Variants in PER3 observed in about 807,000 individuals in gnomAD.
PER3 encodes period circadian protein homolog 3.
Under a neutral mutation model 127.2 loss-of-function variants are expected in PER3, and 107 were observed. The observed-to-expected ratio is 0.84, with a 90% confidence interval of 0.72 to 0.99. PER3 has a LOEUF of 0.99. Among genes scored for constraint, PER3 ranks in the 50% least tolerant of loss-of-function variants. The pLI is 0.00. For missense variants in PER3, 1,560 were observed against 1,525.8 expected (o/e 1.02, Z -0.37); for synonymous variants, 618 against 585.8 (o/e 1.05, Z -0.79).
intron 20 of PER3, 55 bp downstream of exon 20, chr1:7,836,000 CT>C (rs984608428): frequency 1.4e-5 from 18 of 1,254,868 alleles, no homozygotes; most frequent in East Asian, 4.7e-5. Context: ...TTCTTTTTTT[CT>C]TTTTTTTCTT....
intron 20 of PER3, among the ~76,000 whole-genome samples, chr1:7,836,650 C>T (rs1305980048): frequency 6.6e-6 from 1 of 152,120 alleles, no homozygotes; most frequent in Non-Finnish European, 1.5e-5. Context: ...CTAAACAGAT[C>T]TTACACATCA....
At chr1:7,799,123 A>T (rs2150635006) in intron 7 of PER3, among the ~76,000 whole-genome samples, 1 of 152,368 alleles carries the variant, frequency 6.6e-6, no homozygotes, top group South Asian at 2.1e-4. Flanking sequence ...ATATATCAAT[A>T]CATAGGCAGC....
intron 13 of PER3, among the ~76,000 whole-genome samples, chr1:7,817,655 G>A (rs1415223183): frequency 6.6e-6 from 1 of 152,162 alleles, no homozygotes; most frequent in East Asian, 1.9e-4. Flanking sequence ...GGATTGGCGC[G>A]AACAGTTTCA....
rs960482077 is a variant in PER3 at position 7,844,444 on chromosome 1, C to G, written c.*1689C>G. 6.6e-6 allele frequency: 1 copy of G among 152,530 alleles called. No homozygotes were observed. Among genetic ancestry groups the G allele is most frequent in the Non-Finnish European group, 1.5e-5 (1 of 68,190 alleles). The allele number at this position is 152,530 out of a possible 1,614,324, so 9.4% of individuals were successfully genotyped here. ...ATCAAATTTGAAACAATTAACCAGC[C>G]AGTAGATTGTCTGTCAGTGACCTTC... On this transcript the variant is annotated 3_prime_UTR_variant, in exon 22 of 22. Transcript: ENST00000377532.
At chr1:7,837,934 G>A (rs554694920) in intron 21 of PER3, among the ~76,000 whole-genome samples, 14 of 152,192 alleles carry the variant, frequency 9.2e-5, no homozygotes, top group East Asian at 1.9e-4. Context: ...GTGTGGTGGC[G>A]TGCACCTATA....
chr1:7,787,121 A>G (rs1489832214), intron 4 of PER3: 1 of 361,002 alleles, frequency 2.8e-6, no homozygotes, highest in East Asian at 6.5e-5. Context: ...AGAGAAAACA[A>G]AAATTACACT....
At chr1:7,828,686 C>G (rs925475487) in intron 18 of PER3, among the ~76,000 whole-genome samples, 2 of 152,168 alleles carry the variant, frequency 1.3e-5, no homozygotes, top group Admixed American at 6.5e-5. Flanking sequence ...AATCCCAGCT[C>G]GGTCACTAGT....
At chr1:7,825,688 T>C (rs928906757) in intron 16 of PER3, among the ~76,000 whole-genome samples, 47 of 152,154 alleles carry the variant, frequency 3.1e-4, no homozygotes, top group African/African-American at 1.1e-3. Flanking sequence ...GGTCAAGAGT[T>C]TGAGACCAGC....
chr1:7,804,575 A>AT lies in PER3; in HGVS notation c.1136+733dup, dbSNP rs1211279635. ...GCCAACACATTCAGCCCTTTCTTGT[A>AT]TTTTTTGTAGAGATGGGGTTTTGCC... On this transcript the variant is annotated intron_variant, in intron 10 of 21. Transcript: ENST00000377532. Among the ~76,000 whole-genome samples, 5 of 150,776 alleles carry AT rather than the reference A, an allele frequency of 3.3e-5. No individual in the cohort carries two copies. In the South Asian group the frequency reaches 8.4e-4, roughly 25 times the overall value.
In PER3 at chr1:7,827,463, C is replaced by G; in HGVS notation, c.2534C>G (p.Pro845Arg). ...LPLSEGLQPY[P>R]AFPFPYLDTF... ...TTGTCCGAGGGCTTGCAGCCTTACC[C>G]AGCTTTCCCTTTTCCTTACTTGGAT... The change falls in exon 18 of 22, where the codon CCA (proline) becomes CGA (arginine). Residue 845 changes from proline (P) to arginine (R), a missense_variant. By Grantham distance (103) the Pro-to-Arg change is moderately radical (BLOSUM62 -2). Transcript: ENST00000377532. 1 of 1,614,248 alleles carries G rather than the reference C, an allele frequency of 6.2e-7. No homozygotes were observed.
intron 10 of PER3, among the ~76,000 whole-genome samples, chr1:7,807,259 T>C (rs1308930005): frequency 6.6e-6 from 1 of 152,162 alleles, no homozygotes; most frequent in Non-Finnish European, 1.5e-5. Context: ...AGACATATGG[T>C]GTACCTGACG....
chr1:7,827,513 G>A lies in PER3; in HGVS notation c.2584G>A (p.Asp862Asn). The A allele has an allele frequency of 6.2e-7, 1 of 1,614,156 alleles. No homozygotes were observed. Among genetic ancestry groups the A allele is most frequent in the Non-Finnish European group, 8.5e-7 (1 of 1,180,028 alleles). ...TACTTTTATGACCGTTTTCCTGCCT[G>A]ACCCCCCTGTCTGTCCTCTGTTGTC... ...LDTFMTVFLP[D>N]PPVCPLLSPS... Residue 862 changes from aspartate to asparagine, a missense_variant, in exon 18 of 22, where the codon GAC (aspartate) becomes AAC (asparagine). This residue lies in a region of PER3 where 1,332 missense variants were observed against 1,223.6 expected (regional missense o/e 1.09). Coordinates refer to ENST00000377532, the MANE Select transcript of PER3 (RefSeq NM_001377275.1).
chr1:7,841,032 A>C lies in PER3; in HGVS notation c.3550-1640A>C, dbSNP rs542949141. Reference sequence around the variant, plus strand: ...TGAATGGCCTATACCAAGGGTGTCCAATCTTTTGGCTTCCCTGGGCCACAT... The same window carrying C: ...TGAATGGCCTATACCAAGGGTGTCCCATCTTTTGGCTTCCCTGGGCCACAT... On this transcript the variant is annotated intron_variant, in intron 21 of 21. Transcript: ENST00000377532. 5.3e-5 allele frequency among the ~76,000 whole-genome samples: 8 copies of C among 152,330 alleles called. No homozygotes were observed. In the East Asian group the frequency reaches 1.3e-3, roughly 26 times the overall value.
At position 7,826,409 on chromosome 1, in the gene PER3, CAGTT is replaced by C; in HGVS notation, c.1958-69_1958-66del. ...ATGTTTGTAAAAATGTATCAAAAGG[CAGTT>C]AACAAAGTAAAATAAATACAAATAA... On this transcript the variant is annotated intron_variant, in intron 16 of 21. Coordinates refer to ENST00000377532, the MANE Select transcript of PER3 (RefSeq NM_001377275.1). This position sits in a 1 kb window ranked among gnomAD's most constrained non-coding sequence, Gnocchi z 4.2. 1.2e-6 allele frequency: 1 copy of C among 820,168 alleles called. No homozygotes were observed. Among genetic ancestry groups the C allele is most frequent in the South Asian group, 1.5e-5 (1 of 66,324 alleles). The allele number at this position is 820,168 out of a possible 1,614,324, so 50.8% of individuals were successfully genotyped here. A position where few individuals can be genotyped will look rare whatever the true frequency, so the allele number is the denominator to read the frequency against.
intron 9 of PER3, 30 bp downstream of exon 9, chr1:7,803,183 T>C: frequency 4.8e-6 from 6 of 1,248,698 alleles, no homozygotes; most frequent in Non-Finnish European, 7.1e-6. Context: ...TAGGAGGAAA[T>C]ATTTTTCTCT....
intron 13 of PER3, among the ~76,000 whole-genome samples, chr1:7,815,991 C>CAAAAAAAAAAAAAA (rs34144861): frequency 5.9e-5 from 4 of 67,654 alleles, no homozygotes; most frequent in East Asian, 1.6e-3. Flanking sequence ...GACTCCGTCT[C>CAAAAAAAAAAAAAA]AAAAAAAAAA....
chr1:7,835,629 A>G, intron 19 of PER3, 133 bp from the exon 20 acceptor site: 1 of 618,648 alleles, frequency 1.6e-6, no homozygotes, highest in Non-Finnish European at 2.9e-6. Flanking sequence ...AGGGAGGAGG[A>G]AGTTTCCCGG....
rs112027086 is a variant in PER3 at position 7,784,740 on chromosome 1, C to G, written c.-138C>G. On this transcript the variant is annotated 5_prime_UTR_variant, in exon 2 of 22. Transcript: ENST00000377532. Reference sequence around the variant, plus strand: ...CGGAGATGAGCGTGACCCCCTGGCTCGTGGTGGCCGCCTGTTCTCACTAAC... The same window carrying G: ...CGGAGATGAGCGTGACCCCCTGGCTGGTGGTGGCCGCCTGTTCTCACTAAC... The G allele has an allele frequency of 4.6e-6, 4 of 867,196 alleles. No individual in the cohort carries two copies. The highest frequency in any genetic ancestry group is 4.2e-5 in the Admixed American group (1 of 23,576). 53.7% of individuals were successfully genotyped at this position (867,196 alleles called of 1,614,324 possible).
chr1:7,808,864 G>C, intron 10 of PER3, 29 bp from the exon 11 acceptor site: 1 of 1,102,748 alleles, frequency 9.1e-7, no homozygotes, highest in East Asian at 2.4e-5. Context: ...TAAATTGTTT[G>C]ACTCAGTCTC....
Sources: gnomAD v4.1 joint callset for allele counts (sites outside exome capture counted in the v4.1 genomes callset) on GRCh38, gnomAD v4.1.1 for gene constraint, gnomAD v4.1.1 regional missense constraint, Gnocchi (gnomAD v3.1) non-coding constraint, MANE v1.5 for transcripts, NCBI Gene and HGNC (gene_info 2026-07-23, HGNC 2026-07-21) for gene names.